IL17RE: variants seen among roughly 807,000 people sequenced by gnomAD.
IL17RE encodes interleukin 17 receptor E, also known as interleukin-17 receptor E.
A neutral mutation model predicts 70.7 loss-of-function variants in IL17RE; 47 were observed. The observed-to-expected ratio is 0.67, with a 90% confidence interval of 0.53 to 0.85. IL17RE has a LOEUF of 0.85. Ranked by LOEUF, IL17RE falls within the 40% of genes least tolerant of loss-of-function variation. IL17RE has a pLI of 0.00. For synonymous variants in IL17RE, 372 were observed against 381.2 expected, an observed-to-expected ratio of 0.98 and a Z score of 0.28; for missense variants, 850 against 893.9, an observed-to-expected ratio of 0.95 and a Z score of 0.63.
chr3:9,906,936 GC>G, intron 5 of IL17RE, 24 bp from the exon 6 acceptor site: 1 of 1,614,162 alleles, frequency 6.2e-7, no homozygotes, highest in Non-Finnish European at 8.5e-7. Context: ...AAGAGACAAG[GC>G]CACTGAGTCC....
chr3:9,903,850 A>G (rs78244719), intron 2 of IL17RE, among the ~76,000 whole-genome samples, 182 bp from the exon 3 acceptor site: 94 of 152,286 alleles, frequency 6.2e-4, no homozygotes, highest in Middle Eastern at 3.4e-3. Context: ...CCCATACACT[A>G]CAATTTTGAT....
chr3:9,907,205 C>G, intron 6 of IL17RE, 105 bp downstream of exon 6: 1 of 1,402,780 alleles, frequency 7.1e-7, no homozygotes, highest in Non-Finnish European at 9.9e-7. Flanking sequence ...GGGATGGTAA[C>G]TGTCCAAGAC....
rs1360415009 is a variant in IL17RE, at chr3:9,908,357, C to T, written c.735+50C>T. On this transcript the variant is annotated intron_variant, in intron 7 of 15. Transcript: ENST00000383814. ...TGTCCATGGCTCTGCTCCTAAGCCCCCAAGGTAGCGCAGTTGGTCAAGTAT... is the reference window on the plus strand; with the variant it reads ...TGTCCATGGCTCTGCTCCTAAGCCCTCAAGGTAGCGCAGTTGGTCAAGTAT... 2.0e-6 allele frequency: 3 copies of T among 1,511,206 alleles called. No individual in the cohort carries two copies. In the South Asian group the frequency reaches 3.4e-5, roughly 17 times the overall value. The allele number at this position is 1,511,206 out of a possible 1,614,324, so 93.6% of individuals were successfully genotyped here. A position where few individuals can be genotyped will look rare whatever the true frequency, so the allele number is the denominator to read the frequency against.
Position 9,914,580 on chromosome 3 carries a change from GCACCTCTTGTGT to G in IL17RE, c.1331_1342del (p.His444_Cys447del), listed in dbSNP as rs1344684159. 3 of 1,613,966 alleles carry G rather than the reference GCACCTCTTGTGT, an allele frequency of 1.9e-6. No homozygotes were observed. The South Asian group carries it at 3.3e-5, about 18-fold the overall frequency. The stretch of plus-strand genomic sequence containing the variant: ...GGTCAGATGTCCAGTTTGCCTGGAA[GCACCTCTTGTGT>G]CCGGATGGTGAGTTCTTGGGGAGGG... On this transcript the variant is annotated inframe_deletion, in exon 14 of 16. Transcript: ENST00000383814.
Position 9,915,880 on chromosome 3 carries a change from C to G in IL17RE, c.*73C>G, listed in dbSNP as rs965638331. The G allele has an allele frequency of 4.9e-6, 7 of 1,428,406 alleles. No individual in the cohort carries two copies. The African/African-American group carries it at 6.0e-5, about 12-fold the overall frequency. The allele number at this position is 1,428,406 out of a possible 1,614,324, so 88.5% of individuals were successfully genotyped here. Reference sequence around the variant, plus strand: ...ACACTGGCTGGAACCCCGGAATGAGCCTTCGACCCTGAAATCCTTGGGGTG... The same window carrying G: ...ACACTGGCTGGAACCCCGGAATGAGGCTTCGACCCTGAAATCCTTGGGGTG... On this transcript the variant is annotated 3_prime_UTR_variant, in exon 16 of 16. Transcript: ENST00000383814. The surrounding 1 kb of genome is among the most constrained non-coding windows in gnomAD (Gnocchi z 4.9).
intron 12 of IL17RE, among the ~76,000 whole-genome samples, chr3:9,912,021 G>C (rs2082906437): frequency 6.6e-6 from 1 of 152,120 alleles, no homozygotes; most frequent in Non-Finnish European, 1.5e-5. Context: ...ACTGTCTGTG[G>C]TTTGTGAGAA....
In IL17RE at chr3:9,910,892, A is replaced by G; in HGVS notation, c.830A>G (p.His277Arg). Residue 277 changes from histidine to arginine, a missense_variant, in exon 9 of 16, where the codon CAC becomes CGC. Physicochemically the swap from His to Arg is conservative, Grantham distance 29. Transcript: ENST00000383814. The stretch of plus-strand genomic sequence containing the variant: ...GGCTCGGACTTCTGGAAGTCAGTGC[A>G]CTTCACTGACTACAGCCAGCACACT... ...AYGSDFWKSV[H>R]FTDYSQHTQM... 1 of 1,614,072 alleles carries G rather than the reference A, an allele frequency of 6.2e-7. No homozygotes were observed. The highest frequency in any genetic ancestry group is 1.1e-5 in the South Asian group (1 of 91,074).
At chr3:9,903,114 C>T (rs774759844) in intron 1 of IL17RE, 50 bp downstream of exon 1, 1 of 1,495,376 alleles carries the variant, frequency 6.7e-7, no homozygotes, top group East Asian at 2.3e-5. Context: ...AGCCATAAAG[C>T]TCCCCACTCC....
chr3:9,904,582 C>T (rs1306731511), intron 3 of IL17RE, among the ~76,000 whole-genome samples: 4 of 151,946 alleles, frequency 2.6e-5, no homozygotes, highest in African/African-American at 4.8e-5. Flanking sequence ...GTCAGGAATT[C>T]GAGACCAGTC....
rs1464839047 is a variant in IL17RE at position 9,915,016 on chromosome 3, C to T, written c.1448-235C>T. On this transcript the variant is annotated intron_variant, in intron 15 of 15. Coordinates refer to ENST00000383814, the MANE Select transcript of IL17RE (RefSeq NM_153480.2). The surrounding 1 kb of genome is among the most constrained non-coding windows in gnomAD (Gnocchi z 4.9). Reference sequence around the variant, plus strand: ...TAGTGGGGCAGAAATCCAGCCTGCGCTGTACTCGCCCAGCCTGGAGCCCTG... The same window carrying T: ...TAGTGGGGCAGAAATCCAGCCTGCGTTGTACTCGCCCAGCCTGGAGCCCTG... 1.3e-5 allele frequency among the ~76,000 whole-genome samples: 2 copies of T among 152,230 alleles called. No homozygotes were observed. The highest frequency in any genetic ancestry group is 2.9e-5 in the Non-Finnish European group (2 of 68,036).
At chr3:9,909,723 T>C (rs936511861) in intron 8 of IL17RE, 1 of 164,968 alleles carries the variant, frequency 6.1e-6, no homozygotes, top group Non-Finnish European at 1.3e-5. Context: ...TCTGAAGTGC[T>C]GTATGCATGT....
chr3:9,903,242 G>A, intron 1 of IL17RE, 155 bp from the exon 2 acceptor site: 1 of 1,002,294 alleles, frequency 1.0e-6, no homozygotes, highest in Non-Finnish European at 1.5e-6. Flanking sequence ...TGGACAGGGT[G>A]GAGCTGGGAA....
intron 13 of IL17RE, 96 bp downstream of exon 13, chr3:9,914,120 G>A (rs2082956186): frequency 9.8e-7 from 1 of 1,023,216 alleles, no homozygotes; most frequent in Non-Finnish European, 1.5e-6. Flanking sequence ...AAAATGTTTG[G>A]TTTGGCCAGC....
rs2083028108 is a variant in IL17RE at position 9,915,570 on chromosome 3, G to A, written c.1767G>A (p.Leu589=). Residue 589 remains leucine, a synonymous_variant, in exon 16 of 16, where the codon CTG becomes CTA. Coordinates refer to ENST00000383814, the MANE Select transcript of IL17RE (RefSeq NM_153480.2). The surrounding 1 kb of genome is among the most constrained non-coding windows in gnomAD (Gnocchi z 4.9). The part of the protein sequence containing the change: ...ALLHAAPRPL[L]LLAYFSRLCA... ...TCCACGCTGCCCCGCGCCCGCTGCT[G>A]CTGCTCGCTTACTTCAGTCGCCTCT... 1 of 1,416,104 alleles carries A rather than the reference G, an allele frequency of 7.1e-7. No homozygotes were observed. The highest frequency in any genetic ancestry group is 1.4e-5 in the South Asian group (1 of 69,114). 87.7% of individuals were successfully genotyped at this position (1,416,104 alleles called of 1,614,324 possible). A position where few individuals can be genotyped will look rare whatever the true frequency, so the allele number is the denominator to read the frequency against.
chr3:9,903,369 C>T, intron 1 of IL17RE, 28 bp from the exon 2 acceptor site: 7 of 1,613,676 alleles, frequency 4.3e-6, no homozygotes, highest in Non-Finnish European at 5.9e-6. Flanking sequence ...TCTTTCCTTT[C>T]TTTTCCCTAC....
Position 9,911,452 on chromosome 3 carries a change from C to T in IL17RE, c.1082C>T (p.Thr361Ile). 6.2e-7 allele frequency: 1 copy of T among 1,614,160 alleles called. No individual in the cohort carries two copies. The part of the protein sequence containing the change: ...VECPHQTGSL[T>I]SWNVSMDTQA... ...ACCCCGCCCCAAACAGGGTCTCTCA[C>T]ATCCTGGAATGTAAGCATGGATACC... Residue 361 changes from threonine to isoleucine, a missense_variant, in exon 12 of 16, where the codon ACA (threonine) becomes ATA (isoleucine). Physicochemically the swap from Thr to Ile is moderately conservative, Grantham distance 89 (BLOSUM62 -1). Coordinates refer to ENST00000383814, the MANE Select transcript of IL17RE (RefSeq NM_153480.2).
chr3:9,915,857 A>C lies in IL17RE; in HGVS notation c.*50A>C, dbSNP rs1164882478. ...TGTCTGCGGCCGCAACGCAACGGACACTGGCTGGAACCCCGGAATGAGCCT... is the reference window on the plus strand; with the variant it reads ...TGTCTGCGGCCGCAACGCAACGGACCCTGGCTGGAACCCCGGAATGAGCCT... On this transcript the variant is annotated 3_prime_UTR_variant, in exon 16 of 16. Transcript: ENST00000383814. The surrounding 1 kb of genome is among the most constrained non-coding windows in gnomAD (Gnocchi z 4.9). 1 of 1,445,740 alleles carries C rather than the reference A, an allele frequency of 6.9e-7. No homozygotes were observed. The highest frequency in any genetic ancestry group is 2.7e-5 in the East Asian group (1 of 36,756). 89.6% of individuals were successfully genotyped at this position (1,445,740 alleles called of 1,614,324 possible). A position where few individuals can be genotyped will look rare whatever the true frequency, so the allele number is the denominator to read the frequency against.
intron 12 of IL17RE, 165 bp downstream of exon 12, chr3:9,911,762 G>GA: frequency 3.2e-6 from 2 of 620,406 alleles, no homozygotes; most frequent in African/African-American, 1.8e-5. Context: ...CTAACTTGCT[G>GA]ACAGTAGGTT....
upstream of IL17RE, chr3:9,902,765 C>T: frequency 1.3e-6 from 2 of 1,536,560 alleles, no homozygotes; most frequent in Non-Finnish European, 8.7e-7. Context: ...GGAATGTGGC[C>T]TGGCTGGCTG....
Sources: allele counts gnomAD v4.1 joint callset (sites outside exome capture counted in the v4.1 genomes callset), GRCh38; gene constraint gnomAD v4.1.1; non-coding constraint Gnocchi (gnomAD v3.1); transcripts MANE v1.5; gene names NCBI Gene and HGNC (gene_info 2026-07-23, HGNC 2026-07-21).